Variants in SH2D3C observed in about 807,000 individuals in gnomAD.
SH2D3C encodes the protein SH2 domain-containing protein 3C.
In SH2D3C, 25 loss-of-function variants were observed where a neutral mutation model predicts 75.2. That is an observed-to-expected ratio of 0.33 (90% CI 0.24 to 0.46). SH2D3C has a LOEUF of 0.46. SH2D3C is among the 20% of genes least tolerant of loss of function. The pLI is 1.00. For missense variants in SH2D3C, 933 were observed against 1,165.3 expected, an observed-to-expected ratio of 0.80 and a Z score of 2.90; for synonymous variants, 450 against 473.7, an observed-to-expected ratio of 0.95 and a Z score of 0.65.
rs769117714 is a variant in SH2D3C at position 127,740,376 on chromosome 9, A to C, written c.2089-7T>G. 6.2e-7 allele frequency: 1 copy of C among 1,612,452 alleles called. No homozygotes were observed. The highest frequency in any genetic ancestry group is 8.5e-7 in the Non-Finnish European group (1 of 1,178,766). On this transcript the variant is annotated splice_region_variant and splice_polypyrimidine_tract_variant and intron_variant, in intron 9 of 11. Coordinates refer to ENST00000314830, the MANE Select transcript of SH2D3C (RefSeq NM_170600.3). Reference sequence around the variant, plus strand: ...TCTGCTCCAGCCGAGAAATCTGGGGAGGCCAAACTGTGAGAGACCAGCCAG... The same window carrying C: ...TCTGCTCCAGCCGAGAAATCTGGGGCGGCCAAACTGTGAGAGACCAGCCAG...
intron 2 of SH2D3C, 150 bp downstream of exon 2, chr9:127,773,840 C>G: frequency 1.7e-6 from 1 of 586,642 alleles, no homozygotes. Context: ...ATTGCTTGGA[C>G]CCGGGAGGCA....
intron 9 of SH2D3C, among the ~76,000 whole-genome samples, chr9:127,741,364 C>T (rs966838961): frequency 2.0e-5 from 3 of 151,872 alleles, no homozygotes; most frequent in Non-Finnish European, 4.4e-5. Context: ...CCTCAGCCTC[C>T]CGAGTAGCTG....
Position 127,774,083 on chromosome 9 carries a change from G to A in SH2D3C, c.422C>T (p.Pro141Leu). Residue 141 changes from proline (P) to leucine (L), a missense_variant, in exon 2 of 12, where the codon CCT (proline) becomes CTT (leucine). Transcript: ENST00000314830. The surrounding 1 kb of genome is among the most constrained non-coding windows in gnomAD (Gnocchi z 4.3). ...GATGGGGTCTACCTCCACTGCTGAAGGGTTGGGTTCCATTGCTGGGGTGTC... is the reference window on the plus strand; with the variant it reads ...GATGGGGTCTACCTCCACTGCTGAAAGGTTGGGTTCCATTGCTGGGGTGTC... ...LEDTPAMEPN[P>L]SAVEVDPIRK... 1 of 1,614,178 alleles carries A rather than the reference G, an allele frequency of 6.2e-7. No homozygotes were observed. Among genetic ancestry groups the A allele is most frequent in the Non-Finnish European group, 8.5e-7 (1 of 1,180,024 alleles).
chr9:127,757,273 T>C (rs1342063375), intron 3 of SH2D3C, among the ~76,000 whole-genome samples: 1 of 47,818 alleles, frequency 2.1e-5, no homozygotes, highest in African/African-American at 7.6e-5. Flanking sequence ...CCTCATTTGA[T>C]TTTTTTTTTT....
At chr9:127,776,871 G>GT (rs1186134834) in intron 1 of SH2D3C, among the ~76,000 whole-genome samples, 1 of 152,218 alleles carries the variant, frequency 6.6e-6, no homozygotes, top group African/African-American at 2.4e-5. Context: ...CCTGAGAAAC[G>GT]TGTCGGCAAA....
At chr9:127,760,711 G>C (rs1845506125) in intron 3 of SH2D3C, among the ~76,000 whole-genome samples, 1 of 152,146 alleles carries the variant, frequency 6.6e-6, no homozygotes. Flanking sequence ...TCCCTACCCA[G>C]TGATGAGGGA....
intron 2 of SH2D3C, among the ~76,000 whole-genome samples, chr9:127,764,135 CA>C (rs1845588478): frequency 6.6e-6 from 1 of 152,334 alleles, no homozygotes; most frequent in South Asian, 2.1e-4. Flanking sequence ...GGCTCTGGGA[CA>C]GGGGCAGAGC....
At position 127,774,030 on chromosome 9, in the gene SH2D3C, C is replaced by T. The variant is rs370316653; in HGVS notation, c.475G>A (p.Val159Ile). Residue 159 changes from valine (V) to isoleucine (I), a missense_variant, in exon 2 of 12, where the codon GTA becomes ATA. Val to Ile is a conservative substitution (Grantham distance 29, BLOSUM62 3). Coordinates refer to ENST00000314830, the MANE Select transcript of SH2D3C (RefSeq NM_170600.3). The surrounding 1 kb of genome is among the most constrained non-coding windows in gnomAD (Gnocchi z 4.3). ...TCCCTGGGAGGTCTCTCCTCTTCTA[C>T]GTCTCCTGTGGGGACCTCAGGCTTT... is the stretch of plus-strand genomic sequence containing the variant. ...IRKPEVPTGD[V>I]EEERPPRDVH... 6.2e-6 allele frequency: 10 copies of T among 1,613,978 alleles called. No individual in the cohort carries two copies. The highest frequency in any genetic ancestry group is 1.7e-5 in the Admixed American group (1 of 60,004).
At chr9:127,765,159 C>A (rs571648522) in intron 2 of SH2D3C, among the ~76,000 whole-genome samples, 1 of 152,090 alleles carries the variant, frequency 6.6e-6, no homozygotes, top group African/African-American at 2.4e-5. Flanking sequence ...CAGGTGTGAG[C>A]GACCTCACCC....
intron 2 of SH2D3C, among the ~76,000 whole-genome samples, chr9:127,772,770 C>A (rs1016914204): frequency 6.6e-6 from 1 of 152,050 alleles, no homozygotes; most frequent in African/African-American, 2.4e-5. Context: ...CTGCTCAAAT[C>A]CCAGTTCTGT....
intron 5 of SH2D3C, among the ~76,000 whole-genome samples, chr9:127,748,274 C>A (rs1301661078): frequency 6.6e-6 from 1 of 151,960 alleles, no homozygotes; most frequent in African/African-American, 2.4e-5. Context: ...ACACATGGTC[C>A]GTGGATCCTG....
chr9:127,760,537 T>C (rs1845501391), intron 3 of SH2D3C, among the ~76,000 whole-genome samples: 1 of 152,030 alleles, frequency 6.6e-6, no homozygotes, highest in South Asian at 2.1e-4. Context: ...GGCATGTATA[T>C]ACCTATGTAA....
chr9:127,757,648 T>TG (rs1564419943), intron 3 of SH2D3C, among the ~76,000 whole-genome samples: 37 of 135,158 alleles, frequency 2.7e-4, no homozygotes, highest in African/African-American at 9.6e-4. Context: ...TGATGATGAT[T>TG]ATTATTATTA....
At chr9:127,769,817 G>A (rs1176840494) in intron 2 of SH2D3C, among the ~76,000 whole-genome samples, 2 of 152,178 alleles carry the variant, frequency 1.3e-5, no homozygotes, top group Non-Finnish European at 2.9e-5. Context: ...GACCCCAGGA[G>A]AGTCCCTTCC....
At chr9:127,740,603 G>GA (rs34142744) in intron 9 of SH2D3C, among the ~76,000 whole-genome samples, 2 of 152,306 alleles carry the variant, frequency 1.3e-5, no homozygotes, top group African/African-American at 2.4e-5. Flanking sequence ...AGGTTATTCT[G>GA]AAAAAAAGTG....
intron 2 of SH2D3C, among the ~76,000 whole-genome samples, chr9:127,765,095 G>A (rs1034827021): frequency 1.3e-5 from 2 of 151,624 alleles, no homozygotes; most frequent in Admixed American, 6.6e-5. Flanking sequence ...CCATAGCCTC[G>A]ACCTCCTGGC....
At chr9:127,771,556 C>G (rs1845740134) in intron 2 of SH2D3C, 1 of 353,268 alleles carries the variant, frequency 2.8e-6, no homozygotes, top group East Asian at 5.1e-5. Flanking sequence ...CGCTCGCTTC[C>G]CCAGCAGCTC....
chr9:127,771,385 C>T (rs1845736870), intron 2 of SH2D3C: 2 of 1,333,188 alleles, frequency 1.5e-6, no homozygotes, highest in Non-Finnish European at 1.9e-6. Context: ...GCGCTCCTTG[C>T]CCGGCCCCAC....
At chr9:127,741,241 C>CTT (rs71495658) in intron 9 of SH2D3C, among the ~76,000 whole-genome samples, 2,574 of 137,562 alleles carry the variant, frequency 0.019, 38 homozygotes, top group Middle Eastern at 0.026. Context: ...TCTTCTTATT[C>CTT]TTTTTTTTTT....
Sources: allele counts gnomAD v4.1 joint callset (sites outside exome capture counted in the v4.1 genomes callset), GRCh38; gene constraint gnomAD v4.1.1; non-coding constraint Gnocchi (gnomAD v3.1); transcripts MANE v1.5; gene names NCBI Gene and HGNC (gene_info 2026-07-23, HGNC 2026-07-21).